ANAPC4: variants seen among roughly 807,000 people sequenced by gnomAD.
ANAPC4 encodes the protein anaphase-promoting complex subunit 4.
In ANAPC4, 63 loss-of-function variants were observed where a neutral mutation model predicts 119.8. That is an observed-to-expected ratio of 0.53 (90% confidence interval 0.43 to 0.65). The LOEUF is 0.65. Among genes scored for constraint, ANAPC4 ranks in the 30% least tolerant of loss-of-function variants. The pLI is 0.00. For synonymous variants in ANAPC4, 283 were observed against 318.6 expected (o/e 0.89, Z 1.19); for missense variants, 716 against 945.1 (o/e 0.76, Z 3.18).
intron 7 of ANAPC4, 51 bp from the exon 8 acceptor site, chr4:25,390,085 A>G (rs370102686): frequency 6.9e-5 from 86 of 1,250,844 alleles, no homozygotes; most frequent in African/African-American, 1.4e-4. Context: ...TAACAATGCA[A>G]TCATCTGTGT....
chr4:25,414,039 G>C, intron 22 of ANAPC4: 1 of 469,692 alleles, frequency 2.1e-6, no homozygotes, highest in Non-Finnish European at 3.7e-6. Context: ...TTACAGAGCT[G>C]ATGTGTCTCT....
intron 10 of ANAPC4, among the ~76,000 whole-genome samples, chr4:25,392,662 A>G (rs1722413327): frequency 6.7e-6 from 1 of 150,322 alleles, no homozygotes; most frequent in South Asian, 2.1e-4. Context: ...CCATAAATAA[A>G]ATACCATTTA....
At position 25,405,605 on chromosome 4, in the gene ANAPC4, C is replaced by T. The variant is rs927879684; in HGVS notation, c.1303C>T (p.Pro435Ser). ...GAGAATGACAGAAGACCATGTGCTTCCCGAGCTGAATAAGGTAGTATGTAC... is the reference window on the plus strand; with the variant it reads ...GAGAATGACAGAAGACCATGTGCTTTCCGAGCTGAATAAGGTAGTATGTAC... The part of the protein sequence containing the change: ...MLRMTEDHVL[P>S]ELNKMTQKDI... The change falls in exon 18 of 29, where the codon CCC becomes TCC. Residue 435 changes from proline (P) to serine (S), a missense_variant. Physicochemically the swap from Pro to Ser is moderately conservative, Grantham distance 74. This residue lies in a region of ANAPC4 where 504 missense variants were observed against 615.8 expected (regional missense o/e 0.82). Transcript: ENST00000315368. The surrounding 1 kb of genome is among the most constrained non-coding windows in gnomAD (Gnocchi z 4.6). The T allele has an allele frequency of 1.2e-6, 2 of 1,613,598 alleles. No homozygotes were observed. Among genetic ancestry groups the T allele is most frequent in the African/African-American group, 2.7e-5 (2 of 75,030 alleles).
At chr4:25,406,572 C>T (rs1723261738) in intron 18 of ANAPC4, among the ~76,000 whole-genome samples, 1 of 152,156 alleles carries the variant, frequency 6.6e-6, no homozygotes, top group Non-Finnish European at 1.5e-5. Flanking sequence ...TAATAAACAA[C>T]CTTAGGCCAT....
At chr4:25,380,577 A>T (rs2109107972) in intron 3 of ANAPC4, 98 bp downstream of exon 3, 1 of 783,302 alleles carries the variant, frequency 1.3e-6, no homozygotes, top group Non-Finnish European at 1.9e-6. Context: ...TAGTATACAT[A>T]AGAATTATAA....
Position 25,390,907 on chromosome 4 carries a change from A to G in ANAPC4, c.601-4A>G. ...ATATACTAAGGGGTTTGACTCTTTT[A>G]CAGATTGCTGGTACTTGTCTTGCAT... On this transcript the variant is annotated splice_polypyrimidine_tract_variant and splice_region_variant and intron_variant, in intron 8 of 28. Transcript: ENST00000315368. 6.2e-7 allele frequency: 1 copy of G among 1,609,088 alleles called. No homozygotes were observed. The highest frequency in any genetic ancestry group is 8.5e-7 in the Non-Finnish European group (1 of 1,175,714).
intron 21 of ANAPC4, 90 bp from the exon 22 acceptor site, chr4:25,413,555 C>T (rs1268825235): frequency 6.5e-6 from 6 of 922,102 alleles, no homozygotes; most frequent in Non-Finnish European, 8.2e-6. Context: ...ATAAACTGTG[C>T]AGACTGGCTC....
chr4:25,413,953 A>G (rs531066223), intron 22 of ANAPC4: 11 of 484,076 alleles, frequency 2.3e-5, no homozygotes, highest in Middle Eastern at 5.5e-4. Flanking sequence ...GTGTGTGTGT[A>G]TAAAGATTAC....
intron 9 of ANAPC4, 148 bp downstream of exon 9, chr4:25,391,163 G>A: frequency 1.7e-6 from 1 of 591,246 alleles, no homozygotes. Flanking sequence ...AATATACTGA[G>A]TGTTATTATA....
intron 2 of ANAPC4, among the ~76,000 whole-genome samples, chr4:25,378,608 A>AT (rs148576116): frequency 2.6e-4 from 39 of 152,308 alleles, no homozygotes; most frequent in African/African-American, 8.9e-4. Context: ...TGTTACATCC[A>AT]TTTTCTCAGT....
chr4:25,391,338 A>T (rs1193378718), intron 9 of ANAPC4, among the ~76,000 whole-genome samples: 1 of 152,214 alleles, frequency 6.6e-6, no homozygotes, highest in African/African-American at 2.4e-5. Context: ...ATATTTATTG[A>T]TTGTTTAATA....
chr4:25,388,463 T>G (rs1232665577), intron 4 of ANAPC4, 37 bp from the exon 5 acceptor site: 3 of 1,354,070 alleles, frequency 2.2e-6, no homozygotes, highest in South Asian at 2.5e-5. Context: ...GTAAAATCTT[T>G]GGTGTTTTTA....
At chr4:25,413,482 G>T in intron 21 of ANAPC4, 163 bp from the exon 22 acceptor site, 1 of 537,252 alleles carries the variant, frequency 1.9e-6, no homozygotes, top group Non-Finnish European at 3.2e-6. Context: ...AGAAGACCAT[G>T]GTCGTTTTTA....
At position 25,393,881 on chromosome 4, in the gene ANAPC4, A is replaced by G. The variant is rs781513756; in HGVS notation, c.866A>G (p.Lys289Arg). The G allele has an allele frequency of 1.1e-5, 17 of 1,609,282 alleles. No individual in the cohort carries two copies. The Admixed American group carries it at 2.5e-4, about 24-fold the overall frequency. Residue 289 changes from lysine (K) to arginine (R), a missense_variant, in exon 11 of 29, where the codon AAG becomes AGG. This residue lies in a region of ANAPC4 where 504 missense variants were observed against 615.8 expected (regional missense o/e 0.82). Coordinates refer to ENST00000315368, the MANE Select transcript of ANAPC4 (RefSeq NM_013367.3). ...ILMQMDSRLT[K>R]FVQEKNTTTS... is the part of the protein sequence containing the mutation. ...ATGCAGATGGATTCTCGTCTCACCA[A>G]GTTTGTGCAGGTAAAGCAGCTGAAG...
chr4:25,378,962 G>T (rs1721567352), intron 2 of ANAPC4, among the ~76,000 whole-genome samples: 1 of 152,292 alleles, frequency 6.6e-6, no homozygotes, highest in Non-Finnish European at 1.5e-5. Context: ...CTGAACTTTG[G>T]GTTCTAACCT....
chr4:25,380,576 T>G, intron 3 of ANAPC4, 97 bp downstream of exon 3: 1 of 784,520 alleles, frequency 1.3e-6, no homozygotes, highest in Non-Finnish European at 1.9e-6. Context: ...TTAGTATACA[T>G]AAGAATTATA....
intron 21 of ANAPC4, among the ~76,000 whole-genome samples, chr4:25,410,560 A>G (rs1172057902): frequency 6.6e-6 from 1 of 152,216 alleles, no homozygotes. Flanking sequence ...GCCCAGGATC[A>G]CACAAGCTGG....
Position 25,405,691 on chromosome 4 carries a change from G to A in ANAPC4, c.1317+72G>A. On this transcript the variant is annotated intron_variant, in intron 18 of 28. Transcript: ENST00000315368. The surrounding 1 kb of genome is among the most constrained non-coding windows in gnomAD (Gnocchi z 4.6). Reference sequence around the variant, plus strand: ...GAACTCAGCTGTGCTGGTCATTTTGGTACTCTTATTCAGTTATTAGTTAAC... The same window carrying A: ...GAACTCAGCTGTGCTGGTCATTTTGATACTCTTATTCAGTTATTAGTTAAC... 1.4e-6 allele frequency: 2 copies of A among 1,444,512 alleles called. No homozygotes were observed. Among genetic ancestry groups the A allele is most frequent in the South Asian group, 2.4e-5 (2 of 84,410 alleles). The allele number at this position is 1,444,512 out of a possible 1,614,324, so 89.5% of individuals were successfully genotyped here.
At chr4:25,390,040 A>C in intron 7 of ANAPC4, 96 bp from the exon 8 acceptor site, 1 of 828,196 alleles carries the variant, frequency 1.2e-6, no homozygotes, top group Non-Finnish European at 2.0e-6. Flanking sequence ...TAGCATGTAG[A>C]TTATATGAAA....
Sources: gnomAD v4.1 joint callset for allele counts (sites outside exome capture counted in the v4.1 genomes callset) on GRCh38, gnomAD v4.1.1 for gene constraint, gnomAD v4.1.1 regional missense constraint, Gnocchi (gnomAD v3.1) non-coding constraint, MANE v1.5 for transcripts, NCBI Gene and HGNC (gene_info 2026-07-23, HGNC 2026-07-21) for gene names.